Variants in LUZP2 observed in about 807,000 individuals in gnomAD.
LUZP2 encodes the protein leucine zipper protein 2.
A neutral mutation model predicts 51.6 loss-of-function variants in LUZP2; 52 were observed. That is an observed-to-expected ratio of 1.01 (90% CI 0.81 to 1.27). The LOEUF is 1.27. LUZP2 is among the 50% of genes most tolerant of loss of function. LUZP2 has a pLI of 0.00. For synonymous variants in LUZP2, 154 were observed against 137.3 expected (o/e 1.12, Z -0.85); for missense variants, 436 against 395.4 (o/e 1.10, Z -0.87).
chr11:25,044,619 A>G lies in LUZP2; in HGVS notation c.766-5419A>G, dbSNP rs142120671. On this transcript the variant is annotated intron_variant, in intron 9 of 11. Transcript: ENST00000336930. ...TAAAAGTAATTAATGGTGGGACTGT[A>G]AACTAGTTCAACCATTGTGGAAGTC... Among the ~76,000 whole-genome samples the G allele has an allele frequency of 1.9e-3, 293 of 152,244 alleles. 3 individuals are homozygous for G. Among genetic ancestry groups the G allele is most frequent in the African/African-American group, 6.6e-3 (276 of 41,574 alleles).
chr11:24,715,248 A>G (rs531498188), intron 1 of LUZP2, among the ~76,000 whole-genome samples: 2 of 140,790 alleles, frequency 1.4e-5, no homozygotes, highest in South Asian at 4.5e-4. Context: ...ATGGTATCCA[A>G]TTCAAGGAGC....
At chr11:25,002,373 A>T (rs1443002990) in intron 9 of LUZP2, among the ~76,000 whole-genome samples, 1 of 152,182 alleles carries the variant, frequency 6.6e-6, no homozygotes, top group African/African-American at 2.4e-5. Flanking sequence ...ATTTGTTGGC[A>T]GTCATGCTCA....
intron 7 of LUZP2, among the ~76,000 whole-genome samples, chr11:24,919,930 A>G (rs999817093): frequency 2.0e-5 from 3 of 151,758 alleles, no homozygotes; most frequent in Non-Finnish European, 4.4e-5. Context: ...ACAAAAATAA[A>G]TAATTGGTTA....
At chr11:24,702,271 G>C (rs1016208544) in intron 1 of LUZP2, among the ~76,000 whole-genome samples, 3 of 152,104 alleles carry the variant, frequency 2.0e-5, no homozygotes, top group African/African-American at 7.2e-5. Context: ...ACAATACATG[G>C]CTTTTTAGAC....
intron 5 of LUZP2, among the ~76,000 whole-genome samples, chr11:24,900,163 T>C (rs770127426): frequency 1.3e-5 from 2 of 152,218 alleles, no homozygotes; most frequent in African/African-American, 2.4e-5. Context: ...TTTGTTATCT[T>C]CTAAGAGTAT....
chr11:24,680,973 ATTTTT>A (rs67751061), intron 1 of LUZP2, among the ~76,000 whole-genome samples: 2 of 113,700 alleles, frequency 1.8e-5, no homozygotes, highest in Non-Finnish European at 1.9e-5. Context: ...TTCTTTCTTT[ATTTTT>A]TTTTTTTTTT....
At chr11:24,786,886 G>C (rs941762008) in intron 5 of LUZP2, among the ~76,000 whole-genome samples, 6 of 151,848 alleles carry the variant, frequency 4.0e-5, no homozygotes, top group Non-Finnish European at 7.4e-5. Context: ...TCAGTAAATA[G>C]AATGATGCTA....
intron 7 of LUZP2, among the ~76,000 whole-genome samples, chr11:24,945,654 G>A (rs1854878308): frequency 6.6e-6 from 1 of 151,258 alleles, no homozygotes. Context: ...TATATCTTCA[G>A]TCTTATCAGC....
chr11:24,703,050 G>A (rs1379396369), intron 1 of LUZP2, among the ~76,000 whole-genome samples: 6 of 152,148 alleles, frequency 3.9e-5, no homozygotes. Context: ...CTGAAAGATG[G>A]AAAAAGTTAT....
intron 1 of LUZP2, among the ~76,000 whole-genome samples, chr11:24,515,078 T>C (rs1220879060): frequency 6.6e-6 from 1 of 152,204 alleles, no homozygotes; most frequent in Non-Finnish European, 1.5e-5. Flanking sequence ...TATTTACCAT[T>C]TCCCCGATTT....
At chr11:24,785,104 C>T (rs1849205638) in intron 5 of LUZP2, among the ~76,000 whole-genome samples, 1 of 152,012 alleles carries the variant, frequency 6.6e-6, no homozygotes, top group Non-Finnish European at 1.5e-5. Flanking sequence ...GCTCATTCCT[C>T]TTTGGAAGAT....
chr11:24,973,341 G>T, intron 7 of LUZP2, among the ~76,000 whole-genome samples: 1 of 114,824 alleles, frequency 8.7e-6, no homozygotes. Flanking sequence ...TATTAGTCTA[G>T]CTAGTATTCT....
chr11:24,843,537 T>C (rs2631476), intron 5 of LUZP2, among the ~76,000 whole-genome samples: 23,058 of 152,070 alleles, frequency 0.15, 1,914 homozygotes, highest in African/African-American at 0.2. Context: ...TCAAGCATGT[T>C]GAAATAAAAT....
At chr11:24,794,785 T>C (rs1263191487) in intron 5 of LUZP2, among the ~76,000 whole-genome samples, 1 of 152,122 alleles carries the variant, frequency 6.6e-6, no homozygotes, top group Non-Finnish European at 1.5e-5. Flanking sequence ...AAGTGTGGTA[T>C]TAAAAAATGT....
At chr11:24,954,851 C>A (rs1255475358) in intron 7 of LUZP2, among the ~76,000 whole-genome samples, 1 of 152,000 alleles carries the variant, frequency 6.6e-6, no homozygotes, top group South Asian at 2.1e-4. Flanking sequence ...AAATGATATT[C>A]GTAGTGCAAA....
intron 5 of LUZP2, among the ~76,000 whole-genome samples, chr11:24,874,425 A>G (rs1304543032): frequency 6.6e-6 from 1 of 152,174 alleles, no homozygotes; most frequent in Non-Finnish European, 1.5e-5. Flanking sequence ...CACAGGCAAC[A>G]GTGGCTCAGA....
chr11:24,794,880 GTAGT>G (rs1849507485), intron 5 of LUZP2, among the ~76,000 whole-genome samples: 1 of 152,022 alleles, frequency 6.6e-6, no homozygotes, highest in Admixed American at 6.6e-5. Flanking sequence ...TGTTAACAAG[GTAGT>G]TAATTTTAAG....
chr11:24,790,575 C>G (rs191949908), intron 5 of LUZP2, among the ~76,000 whole-genome samples: 1,868 of 152,174 alleles, frequency 0.012, 20 homozygotes, highest in Admixed American at 0.019. Flanking sequence ...AATCTCAGCT[C>G]ACTGCAACCT....
At chr11:25,059,017 T>G (rs10437617) in intron 10 of LUZP2, among the ~76,000 whole-genome samples, 80,896 of 152,064 alleles carry the variant, frequency 0.53, 22,262 homozygotes, top group African/African-American at 0.61. Flanking sequence ...TTATAAAAAT[T>G]TTGCTTGTTT....
Sources: allele counts gnomAD v4.1 joint callset (sites outside exome capture counted in the v4.1 genomes callset), GRCh38; gene constraint gnomAD v4.1.1; transcripts MANE v1.5; gene names NCBI Gene and HGNC (gene_info 2026-07-23, HGNC 2026-07-21).